The following FCER1A variants were observed in gnomAD, a reference collection of about 807,000 sequenced individuals.
FCER1A encodes the protein Fc epsilon receptor Ia, also known as high affinity immunoglobulin epsilon receptor subunit alpha.
FCER1A carries 24 observed loss-of-function variants against 23.6 expected under a neutral mutation model. That is an observed-to-expected ratio of 1.02 (90% CI 0.74 to 1.43). FCER1A has a LOEUF of 1.43. Ranked by LOEUF, FCER1A falls within the 40% of genes most tolerant of loss-of-function variation. The probability of loss-of-function intolerance (pLI) is 0.00; values close to 1 mark genes in which losing one functional copy is unlikely to be tolerated. For synonymous variants in FCER1A, 121 were observed against 108.8 expected (o/e 1.11, Z -0.70); for missense variants, 318 against 294.5 (o/e 1.08, Z -0.58).
At chr1:159,285,830 C>G (rs1364162858), upstream of FCER1A, among the ~76,000 whole-genome samples, 2 of 152,104 alleles carry the variant, frequency 1.3e-5, no homozygotes, top group Non-Finnish European at 2.9e-5. Context: ...CTAAGCAAAG[C>G]TGATTTCAAA....
intron 1 of FCER1A, among the ~76,000 whole-genome samples, chr1:159,291,518 C>A (rs1331482367): frequency 6.6e-6 from 1 of 152,088 alleles, no homozygotes; most frequent in Non-Finnish European, 1.5e-5. Flanking sequence ...CATGTTATGG[C>A]AGAAACACCT....
At chr1:159,288,158 T>C (rs1652062680), upstream of FCER1A, among the ~76,000 whole-genome samples, 1 of 152,178 alleles carries the variant, frequency 6.6e-6, no homozygotes, top group Non-Finnish European at 1.5e-5. Flanking sequence ...GAAAGCCATA[T>C]AGAAATGACT....
upstream of FCER1A, among the ~76,000 whole-genome samples, chr1:159,298,195 G>A (rs1351530801): frequency 4.6e-5 from 7 of 152,130 alleles, no homozygotes; most frequent in Non-Finnish European, 8.8e-5. Context: ...TTGAAGACAG[G>A]CAGCTTGATA....
chr1:159,307,146 G>T (rs1022609805), intron 4 of FCER1A, among the ~76,000 whole-genome samples: 2 of 152,116 alleles, frequency 1.3e-5, no homozygotes, highest in African/African-American at 4.8e-5. Flanking sequence ...TTTTTCATAG[G>T]TCTTTCACAT....
chr1:159,289,607 G>A (rs1652097121), upstream of FCER1A: 1 of 152,078 alleles, frequency 6.6e-6, no homozygotes. Context: ...ATCACTTTAT[G>A]CTACTAAAAC....
At chr1:159,290,311 G>A (rs1652114803) in intron 1 of FCER1A, among the ~76,000 whole-genome samples, 1 of 151,996 alleles carries the variant, frequency 6.6e-6, no homozygotes, top group Non-Finnish European at 1.5e-5. Flanking sequence ...ACTTAAGTAG[G>A]TGCCACACAA....
upstream of FCER1A, among the ~76,000 whole-genome samples, chr1:159,286,589 C>T (rs890374271): frequency 6.6e-6 from 1 of 152,180 alleles, no homozygotes; most frequent in Non-Finnish European, 1.5e-5. Flanking sequence ...GCCTTGGCCT[C>T]CCAAAGTGCT....
the FCER1A span, among the ~76,000 whole-genome samples, chr1:159,284,268 T>C: frequency 6.6e-6 from 1 of 152,164 alleles, no homozygotes; most frequent in African/African-American, 2.4e-5. Context: ...GGGAGATCCA[T>C]CACCCACACC....
At chr1:159,283,599 G>A in the FCER1A span, among the ~76,000 whole-genome samples, 1 of 152,194 alleles carries the variant, frequency 6.6e-6, no homozygotes, top group Non-Finnish European at 1.5e-5. Context: ...TCTACTCAGA[G>A]AAAGCAGGTG....
At chr1:159,300,217 G>C (rs1197410426), upstream of FCER1A, among the ~76,000 whole-genome samples, 3 of 152,080 alleles carry the variant, frequency 2.0e-5, no homozygotes, top group African/African-American at 7.2e-5. Context: ...AGTACCTCTC[G>C]ATGAGCCCTG....
intron 4 of FCER1A, among the ~76,000 whole-genome samples, chr1:159,306,622 A>G (rs78849817): frequency 1.3e-5 from 2 of 152,306 alleles, no homozygotes; most frequent in African/African-American, 2.4e-5. Context: ...AAAAAGTTTC[A>G]AAGTTGAATG....
At chr1:159,295,721 G>T (rs953445131) in intron 1 of FCER1A, among the ~76,000 whole-genome samples, 1 of 152,190 alleles carries the variant, frequency 6.6e-6, no homozygotes, top group East Asian at 1.9e-4. Flanking sequence ...GGAAACTGCG[G>T]ATCAGGGCCC....
upstream of FCER1A, among the ~76,000 whole-genome samples, chr1:159,284,926 C>T (rs1651979635): frequency 6.6e-6 from 1 of 152,174 alleles, no homozygotes; most frequent in Non-Finnish European, 1.5e-5. Flanking sequence ...CAGGAATGCT[C>T]TTTATAATAA....
chr1:159,297,805 T>C (rs570360775), upstream of FCER1A, among the ~76,000 whole-genome samples: 1 of 152,194 alleles, frequency 6.6e-6, no homozygotes, highest in African/African-American at 2.4e-5. Flanking sequence ...CTTGGGAGGA[T>C]GAGGTGGGAG....
At chr1:159,298,855 G>A (rs1271565480), upstream of FCER1A, among the ~76,000 whole-genome samples, 1 of 152,166 alleles carries the variant, frequency 6.6e-6, no homozygotes, top group Non-Finnish European at 1.5e-5. Context: ...TTTCCTATTT[G>A]TGGGTTATGG....
chr1:159,296,075 CT>C (rs1445718465), intron 1 of FCER1A, among the ~76,000 whole-genome samples: 2 of 152,094 alleles, frequency 1.3e-5, no homozygotes, highest in Non-Finnish European at 2.9e-5. Flanking sequence ...AGTGGAATAT[CT>C]GTTTACTTTC....
upstream of FCER1A, among the ~76,000 whole-genome samples, chr1:159,299,901 G>A (rs997839336): frequency 7.9e-5 from 12 of 151,298 alleles, 1 homozygote; most frequent in African/African-American, 2.9e-4. Context: ...TGTTCTTTTG[G>A]GTACCTGTAG....
upstream of FCER1A, among the ~76,000 whole-genome samples, chr1:159,286,267 C>A (rs1652013587): frequency 6.6e-6 from 1 of 152,088 alleles, no homozygotes; most frequent in South Asian, 2.1e-4. Context: ...CAGGTGGCAA[C>A]AGCTTGCTCC....
intron 1 of FCER1A, among the ~76,000 whole-genome samples, chr1:159,294,120 A>G (rs1359799726): frequency 2.0e-5 from 3 of 152,220 alleles, no homozygotes; most frequent in Admixed American, 2.0e-4. Flanking sequence ...CACTGTTGGT[A>G]GGATGGTAAA....
Sources: gnomAD v4.1 joint callset for allele counts (sites outside exome capture counted in the v4.1 genomes callset) on GRCh38, gnomAD v4.1.1 for gene constraint, MANE v1.5 for transcripts, NCBI Gene and HGNC (gene_info 2026-07-23, HGNC 2026-07-21) for gene names.